The following CLVS1 variants were observed in gnomAD, a reference collection of about 807,000 sequenced individuals.
The protein encoded by CLVS1 is clavesin-1.
CLVS1 carries 10 observed loss-of-function variants against 33.1 expected under a neutral mutation model. That is an observed-to-expected ratio of 0.30 (90% confidence interval 0.19 to 0.51). The LOEUF is 0.51. Among genes scored for constraint, CLVS1 ranks in the 20% least tolerant of loss-of-function variants. The pLI is 0.97. For missense variants in CLVS1, 343 were observed against 433.4 expected, an observed-to-expected ratio of 0.79 and a Z score of 1.85; for synonymous variants, 163 against 166.1, an observed-to-expected ratio of 0.98 and a Z score of 0.14.
chr8:60,967,488 A>G, the CLVS1 span: 2 of 352,530 alleles, frequency 5.7e-6, no homozygotes, highest in South Asian at 4.2e-5. Context: ...TGAAGCTACC[A>G]AGGGGACCAC....
chr8:60,972,535 T>C, the CLVS1 span, among the ~76,000 whole-genome samples: 2 of 152,024 alleles, frequency 1.3e-5, no homozygotes, highest in African/African-American at 4.8e-5. Context: ...ATTCTGGAGG[T>C]CGCGAGATTA....
chr8:61,439,880 T>C (rs1816476826), intron 3 of CLVS1, among the ~76,000 whole-genome samples: 1 of 152,188 alleles, frequency 6.6e-6, no homozygotes, highest in Admixed American at 6.6e-5. Flanking sequence ...AGGGACCAAC[T>C]CTTAAAGACG....
chr8:61,204,411 T>G (rs1013680358), intron 2 of CLVS1, among the ~76,000 whole-genome samples: 1 of 152,216 alleles, frequency 6.6e-6, no homozygotes, highest in Non-Finnish European at 1.5e-5. Context: ...TTTGTGATTG[T>G]TTTCTGCTAG....
the CLVS1 span, among the ~76,000 whole-genome samples, chr8:61,003,940 A>T: frequency 2.0e-5 from 3 of 152,240 alleles, no homozygotes; most frequent in Non-Finnish European, 2.9e-5. Context: ...GAGGTAATGC[A>T]GTGCTGTTTC....
chr8:61,467,955 C>T (rs1817610609), intron 5 of CLVS1, among the ~76,000 whole-genome samples: 1 of 151,968 alleles, frequency 6.6e-6, no homozygotes, highest in Non-Finnish European at 1.5e-5. Flanking sequence ...GTGAAAGACG[C>T]TGGCTACCGA....
intron 1 of CLVS1, among the ~76,000 whole-genome samples, chr8:61,289,625 C>T (rs1809908513): frequency 1.3e-5 from 2 of 152,164 alleles, no homozygotes; most frequent in South Asian, 4.1e-4. Context: ...AAAGTTTAAA[C>T]CAGAGCACAG....
intron 2 of CLVS1, among the ~76,000 whole-genome samples, chr8:61,137,739 T>C (rs1157269835): frequency 5.3e-5 from 8 of 152,144 alleles, no homozygotes; most frequent in Non-Finnish European, 1.5e-5. Context: ...GCCATTACCA[T>C]CTAATTAAAG....
chr8:61,182,066 A>C (rs1333219298), intron 2 of CLVS1, among the ~76,000 whole-genome samples: 22 of 152,134 alleles, frequency 1.4e-4, no homozygotes, highest in Non-Finnish European at 1.2e-4. Flanking sequence ...CTATTTAATA[A>C]ATAATGCTGG....
chr8:61,284,817 T>G (rs57601391), upstream of CLVS1, among the ~76,000 whole-genome samples: 1,003 of 152,336 alleles, frequency 6.6e-3, 11 homozygotes, highest in African/African-American at 0.023. Flanking sequence ...GTGACCTTCA[T>G]GTCTACTTAA....
intron 2 of CLVS1, among the ~76,000 whole-genome samples, chr8:61,375,247 A>ATT (rs34479292): frequency 0.01 from 1,394 of 133,420 alleles, 24 homozygotes; most frequent in African/African-American, 0.035. Flanking sequence ...AGTGGCTTGC[A>ATT]TTTTTTTTTT....
intron 3 of CLVS1, among the ~76,000 whole-genome samples, chr8:61,389,009 C>CA (rs1814195277): frequency 6.6e-6 from 1 of 152,144 alleles, no homozygotes; most frequent in Non-Finnish European, 1.5e-5. Context: ...ACATTTTAAG[C>CA]TTCTGCATAT....
At chr8:61,357,014 A>G (rs1186508885) in intron 2 of CLVS1, among the ~76,000 whole-genome samples, 2 of 152,108 alleles carry the variant, frequency 1.3e-5, no homozygotes, top group Non-Finnish European at 2.9e-5. Flanking sequence ...CAGTATGGCC[A>G]TTTTCATGAT....
chr8:61,478,258 AGGTGT>A (rs1286515719), intron 5 of CLVS1, among the ~76,000 whole-genome samples: 3 of 152,166 alleles, frequency 2.0e-5, no homozygotes, highest in Non-Finnish European at 4.4e-5. Flanking sequence ...ATTTTGGAAT[AGGTGT>A]GGTGTGGTGC....
intron 2 of CLVS1, among the ~76,000 whole-genome samples, chr8:61,266,711 G>T (rs1371812884): frequency 6.6e-6 from 1 of 152,084 alleles, no homozygotes; most frequent in Non-Finnish European, 1.5e-5. Flanking sequence ...CTCTCCCTAT[G>T]CAATGGTTCT....
At chr8:61,359,459 G>A (rs1266125452) in intron 2 of CLVS1, among the ~76,000 whole-genome samples, 2 of 152,024 alleles carry the variant, frequency 1.3e-5, no homozygotes, top group Non-Finnish European at 2.9e-5. Context: ...AGGTTCAAGT[G>A]ATTCTCCTGC....
chr8:61,406,948 AT>A (rs1349926515), intron 3 of CLVS1, among the ~76,000 whole-genome samples: 1 of 152,158 alleles, frequency 6.6e-6, no homozygotes, highest in Non-Finnish European at 1.5e-5. Context: ...CTAATCAAAA[AT>A]TCTCTGAAGG....
chr8:61,482,977 C>G (rs1018649136), intron 5 of CLVS1, among the ~76,000 whole-genome samples: 7 of 151,872 alleles, frequency 4.6e-5, no homozygotes, highest in African/African-American at 1.7e-4. Flanking sequence ...TAAATGCCCA[C>G]AAGAGAAAGC....
At chr8:61,342,878 A>G (rs1401109099) in intron 2 of CLVS1, among the ~76,000 whole-genome samples, 2 of 152,232 alleles carry the variant, frequency 1.3e-5, no homozygotes, top group African/African-American at 4.8e-5. Context: ...GGATAGAACA[A>G]TATCCAAAAG....
Position 61,472,703 on chromosome 8 carries a change from A to T in CLVS1, c.977+14161A>T, listed in dbSNP as rs543140232. ...ATTCAATAATCATTGAGTATACATT[A>T]TACACAAGTAGGATAGAGGGCAATT... On this transcript the variant is annotated intron_variant, in intron 5 of 5. Coordinates refer to ENST00000325897, the MANE Select transcript of CLVS1 (RefSeq NM_173519.3). 1.5e-4 allele frequency among the ~76,000 whole-genome samples: 23 copies of T among 152,336 alleles called. 3 individuals carry two copies. The highest frequency in any genetic ancestry group is 5.5e-4 in the African/African-American group (23 of 41,574).
Sources: gnomAD v4.1 joint callset for allele counts (sites outside exome capture counted in the v4.1 genomes callset) on GRCh38, gnomAD v4.1.1 for gene constraint, MANE v1.5 for transcripts, NCBI Gene and HGNC (gene_info 2026-07-23, HGNC 2026-07-21) for gene names.